FAM81A: variants seen among roughly 807,000 people sequenced by gnomAD.
FAM81A encodes the protein family with sequence similarity 81 member A.
Under a neutral mutation model 46.7 loss-of-function variants are expected in FAM81A, and 19 were observed. The ratio of observed to expected loss-of-function variants is 0.41; its 90% CI spans 0.28 to 0.60. The LOEUF (loss-of-function observed/expected upper bound fraction) is 0.60. Among genes scored for constraint, FAM81A ranks in the 20% least tolerant of loss-of-function variants. FAM81A has a pLI of 0.34. For missense variants in FAM81A, 377 were observed against 453.5 expected (o/e 0.83, Z 1.53); for synonymous variants, 183 against 152.9 (o/e 1.20, Z -1.45).
At chr15:59,509,775 G>T (rs1567076252) in intron 6 of FAM81A, among the ~76,000 whole-genome samples, 1 of 152,128 alleles carries the variant, frequency 6.6e-6, no homozygotes, top group Non-Finnish European at 1.5e-5. Flanking sequence ...AGGTTGAATA[G>T]CCTGTCGTGG....
At chr15:59,472,318 A>G (rs1846203816) in intron 3 of FAM81A, among the ~76,000 whole-genome samples, 1 of 152,160 alleles carries the variant, frequency 6.6e-6, no homozygotes, top group South Asian at 2.1e-4. Context: ...AGCATGGGTA[A>G]CAGAGGGAGA....
intron 2 of FAM81A, among the ~76,000 whole-genome samples, chr15:59,426,422 A>C (rs2081194663): frequency 6.6e-6 from 1 of 152,170 alleles, no homozygotes; most frequent in South Asian, 2.1e-4. Context: ...CCTGACCAAC[A>C]TGAAGAAACC....
intron 3 of FAM81A, among the ~76,000 whole-genome samples, chr15:59,473,047 C>G (rs1385469346): frequency 6.6e-6 from 1 of 152,124 alleles, no homozygotes. Flanking sequence ...TCAGATTTAT[C>G]AAGAGACTGA....
At chr15:59,424,818 C>T (rs1319488521) in intron 2 of FAM81A, among the ~76,000 whole-genome samples, 2 of 152,182 alleles carry the variant, frequency 1.3e-5, no homozygotes, top group Admixed American at 1.3e-4. Flanking sequence ...CACTGTCATA[C>T]CTCACTACTA....
intron 4 of FAM81A, among the ~76,000 whole-genome samples, chr15:59,500,778 G>A (rs2082083209): frequency 1.3e-5 from 2 of 150,914 alleles, no homozygotes; most frequent in Non-Finnish European, 2.9e-5. Context: ...ACCTATTCAC[G>A]TTTTCTGTTG....
At chr15:59,499,610 A>AT (rs1465668060) in intron 4 of FAM81A, among the ~76,000 whole-genome samples, 1 of 151,920 alleles carries the variant, frequency 6.6e-6, no homozygotes, top group Non-Finnish European at 1.5e-5. Flanking sequence ...GAATTCTCTC[A>AT]TTTTTTGTTT....
chr15:59,503,895 A>C (rs2082122476), intron 4 of FAM81A, among the ~76,000 whole-genome samples: 1 of 152,132 alleles, frequency 6.6e-6, no homozygotes, highest in South Asian at 2.1e-4. Flanking sequence ...GTATTAATAG[A>C]AATTTATGTT....
intron 3 of FAM81A, among the ~76,000 whole-genome samples, chr15:59,475,825 CT>C (rs2081759751): frequency 6.6e-6 from 1 of 152,214 alleles, no homozygotes; most frequent in African/African-American, 2.4e-5. Context: ...TTAAGCATGT[CT>C]ACCTAAACAT....
intron 4 of FAM81A, among the ~76,000 whole-genome samples, chr15:59,501,836 G>T (rs2082094047): frequency 6.6e-6 from 1 of 152,172 alleles, no homozygotes; most frequent in Non-Finnish European, 1.5e-5. Context: ...AGGAAAACTG[G>T]TTAGATTCAT....
intron 1 of FAM81A, among the ~76,000 whole-genome samples, chr15:59,458,190 G>A (rs1231721855): frequency 1.3e-5 from 2 of 152,178 alleles, no homozygotes; most frequent in Non-Finnish European, 2.9e-5. Context: ...CTACAGAGAA[G>A]TATAAGATTG....
chr15:59,513,825 C>T (rs555530040), intron 6 of FAM81A, among the ~76,000 whole-genome samples: 19 of 152,174 alleles, frequency 1.2e-4, no homozygotes, highest in Non-Finnish European at 2.4e-4. Flanking sequence ...TGGAATCAAC[C>T]GAAATGTCCA....
chr15:59,462,247 C>G (rs2081561590), intron 3 of FAM81A, among the ~76,000 whole-genome samples: 1 of 151,470 alleles, frequency 6.6e-6, no homozygotes, highest in African/African-American at 2.4e-5. Flanking sequence ...TCCAAAGTGG[C>G]TATAACATTT....
chr15:59,470,750 C>T (rs1163360169), intron 3 of FAM81A, among the ~76,000 whole-genome samples: 1 of 152,126 alleles, frequency 6.6e-6, no homozygotes, highest in African/African-American at 2.4e-5. Context: ...TTGAAATCAC[C>T]CGTCTTCTGC....
At chr15:59,486,460 G>A (rs2081918098) in intron 3 of FAM81A, among the ~76,000 whole-genome samples, 2 of 151,930 alleles carry the variant, frequency 1.3e-5, no homozygotes, top group Admixed American at 1.3e-4. Context: ...GAGAGAAATA[G>A]TGGTAGAAAG....
intron 3 of FAM81A, among the ~76,000 whole-genome samples, chr15:59,489,290 C>CATACATACATACATACATGT (rs1555432330): frequency 2.0e-5 from 3 of 150,164 alleles, no homozygotes; most frequent in African/African-American, 7.4e-5. Context: ...TACATACATA[C>CATACATACATACATACATGT]ATACATACAT....
chr15:59,435,401 CCT>C (rs1185124292), upstream of FAM81A, among the ~76,000 whole-genome samples: 5 of 152,180 alleles, frequency 3.3e-5, no homozygotes, highest in African/African-American at 1.2e-4. Context: ...CGGCGGATCA[CCT>C]GAGGTCAGGA....
chr15:59,412,616 A>T (rs1283611383), intron 2 of FAM81A, among the ~76,000 whole-genome samples: 2 of 151,862 alleles, frequency 1.3e-5, no homozygotes, highest in Non-Finnish European at 2.9e-5. Context: ...AGTCCCAGCT[A>T]TTCTGGAGGT....
At chr15:59,492,618 A>T (rs2081993281) in intron 4 of FAM81A, among the ~76,000 whole-genome samples, 1 of 152,154 alleles carries the variant, frequency 6.6e-6, no homozygotes. Flanking sequence ...GGAAGAAATG[A>T]TGGGAGAACT....
intron 1 of FAM81A, chr15:59,401,967 T>C (rs2140462799): frequency 1.4e-6 from 1 of 712,060 alleles, no homozygotes; most frequent in East Asian, 2.5e-5. Context: ...GTATCCATGG[T>C]GTTTACAGTG....
Sources: allele counts gnomAD v4.1 joint callset (sites outside exome capture counted in the v4.1 genomes callset), GRCh38; gene constraint gnomAD v4.1.1; transcripts MANE v1.5; gene names NCBI Gene and HGNC (gene_info 2026-07-23, HGNC 2026-07-21).